NAA35: variants seen among roughly 807,000 people sequenced by gnomAD.
The protein encoded by NAA35 is MAK10 homolog, amino-acid N-acetyltransferase subunit.
In NAA35, 18 loss-of-function variants were observed where a neutral mutation model predicts 101.7. That is an observed-to-expected ratio of 0.18 (90% CI 0.12 to 0.26). The LOEUF is 0.26. Among genes scored for constraint, NAA35 ranks in the 10% least tolerant of loss-of-function variants. The pLI, the probability that NAA35 is intolerant of heterozygous loss-of-function variation, is 1.00. For synonymous variants in NAA35, 267 were observed against 273.1 expected (o/e 0.98, Z 0.22); for missense variants, 601 against 886.8 (o/e 0.68, Z 4.09).
intron 2 of NAA35, among the ~76,000 whole-genome samples, chr9:85,954,183 C>T (rs1190888947): frequency 2.0e-5 from 3 of 151,940 alleles, no homozygotes; most frequent in African/African-American, 7.3e-5. Flanking sequence ...AGGGTTCAAG[C>T]AATCCTCCCA....
intron 11 of NAA35, among the ~76,000 whole-genome samples, chr9:85,990,822 G>A (rs563906273): frequency 6.6e-6 from 1 of 152,338 alleles, no homozygotes; most frequent in East Asian, 1.9e-4. Context: ...ATGTGGGTAG[G>A]TGGAGTGTAC....
rs146102178 is a variant in NAA35 at position 85,962,057 on chromosome 9, G to C, written c.393G>C (p.Thr131=). The change falls in exon 6 of 23, where the codon ACG becomes ACC. Residue 131 remains threonine, a synonymous_variant. Transcript: ENST00000361671. ...ATTCACTGGCACAGACAGTATTTACGTGCCTTTACATTCATAATCCAGACT... is the reference window on the plus strand; with the variant it reads ...ATTCACTGGCACAGACAGTATTTACCTGCCTTTACATTCATAATCCAGACT... ...EGHSLAQTVF[T]CLYIHNPDFI... The C allele has an allele frequency of 3.0e-5, 49 of 1,613,666 alleles. No individual in the cohort carries two copies. The highest frequency in any genetic ancestry group is 3.8e-5 in the Non-Finnish European group (45 of 1,179,846).
At chr9:85,989,163 C>T (rs181875862) in intron 11 of NAA35, among the ~76,000 whole-genome samples, 4 of 152,250 alleles carry the variant, frequency 2.6e-5, no homozygotes, top group Middle Eastern at 3.4e-3. Context: ...ACAATATCTT[C>T]AAAGTCCTCA....
At position 85,976,681 on chromosome 9, in the gene NAA35, T is replaced by A. The variant is rs757827813; in HGVS notation, c.628-4T>A. The A allele has an allele frequency of 6.3e-7, 1 of 1,579,752 alleles. No homozygotes were observed. Among genetic ancestry groups the A allele is most frequent in the Non-Finnish European group, 8.6e-7 (1 of 1,166,836 alleles). ...TGTTTAATTCACCTTTTTTAAAATTTTAGAGTACTCGAAGTCGACAAGGAG... is the reference window on the plus strand; with the variant it reads ...TGTTTAATTCACCTTTTTTAAAATTATAGAGTACTCGAAGTCGACAAGGAG... On this transcript the variant is annotated splice_region_variant and splice_polypyrimidine_tract_variant and intron_variant, in intron 8 of 22. Transcript: ENST00000361671.
chr9:86,006,985 A>C (rs1831672414), intron 13 of NAA35, among the ~76,000 whole-genome samples: 1 of 152,200 alleles, frequency 6.6e-6, no homozygotes. Flanking sequence ...TATGTTACAA[A>C]ACATTCATTA....
intron 8 of NAA35, 22 bp from the exon 9 acceptor site, chr9:85,976,663 T>C (rs374432178): frequency 6.2e-5 from 97 of 1,557,330 alleles, no homozygotes; most frequent in Middle Eastern, 5.1e-4. Flanking sequence ...TTGTGTTTAA[T>C]TCACCTTTTT....
At chr9:86,019,058 A>G (rs1832388296) in intron 21 of NAA35, among the ~76,000 whole-genome samples, 1 of 152,242 alleles carries the variant, frequency 6.6e-6, no homozygotes, top group Non-Finnish European at 1.5e-5. Flanking sequence ...GTCAATGCAA[A>G]GACAAATTAC....
intron 12 of NAA35, among the ~76,000 whole-genome samples, chr9:85,998,542 AACT>A (rs1311748888): frequency 1.3e-5 from 2 of 152,226 alleles, no homozygotes; most frequent in Non-Finnish European, 2.9e-5. Flanking sequence ...GTACACTTTT[AACT>A]ATCATATTTT....
At chr9:86,019,047 A>T (rs1269593225) in intron 21 of NAA35, among the ~76,000 whole-genome samples, 1 of 152,228 alleles carries the variant, frequency 6.6e-6, no homozygotes, top group African/African-American at 2.4e-5. Context: ...TAAATTTAGA[A>T]GTCAATGCAA....
chr9:85,981,012 T>C (rs1196482562), intron 11 of NAA35, among the ~76,000 whole-genome samples: 1 of 152,172 alleles, frequency 6.6e-6, no homozygotes, highest in Non-Finnish European at 1.5e-5. Context: ...CCCCTTCCCA[T>C]ATATTTTTCT....
At chr9:86,000,107 G>T (rs147037739) in intron 12 of NAA35, among the ~76,000 whole-genome samples, 2 of 152,158 alleles carry the variant, frequency 1.3e-5, no homozygotes, top group African/African-American at 2.4e-5. Context: ...TAACATGAAG[G>T]GATGTTAAAT....
intron 17 of NAA35, 110 bp from the exon 18 acceptor site, chr9:86,016,429 T>A: frequency 1.2e-6 from 1 of 853,406 alleles, no homozygotes; most frequent in Non-Finnish European, 1.8e-6. Flanking sequence ...ATGAATGATC[T>A]GTTTTTAAAG....
rs370126583 is a variant in NAA35, at chr9:86,018,352, A to G, written c.1871A>G (p.Asn624Ser). ...VRYEHRFAPF[N>S]SVMTPPPVHY... ...TATGAACACAGGTTTGCTCCATTCA[A>G]CAGTGTGATGACCCCGCCGCCAGTG... The change falls in exon 20 of 23, where the codon AAC (asparagine) becomes AGC (serine). Residue 624 changes from asparagine (N) to serine (S), a missense_variant. Asn to Ser is a conservative substitution (Grantham distance 46). Transcript: ENST00000361671. The G allele has an allele frequency of 1.1e-5, 18 of 1,613,854 alleles. No homozygotes were observed. Among genetic ancestry groups the G allele is most frequent in the South Asian group, 5.5e-5 (5 of 91,074 alleles).
chr9:85,991,678 C>T (rs1012009845), intron 11 of NAA35, among the ~76,000 whole-genome samples: 2 of 151,922 alleles, frequency 1.3e-5, no homozygotes, highest in Non-Finnish European at 2.9e-5. Flanking sequence ...GTTATGGTGG[C>T]CTAACATGTC....
intron 11 of NAA35, among the ~76,000 whole-genome samples, chr9:85,992,024 A>G (rs1019042305): frequency 1.3e-5 from 2 of 152,048 alleles, no homozygotes; most frequent in Non-Finnish European, 2.9e-5. Context: ...ACTACAAAAA[A>G]ACAGCCGGGT....
chr9:85,950,795 T>C lies in NAA35; in HGVS notation c.125-5565T>C, dbSNP rs372251043. Reference sequence around the variant, plus strand: ...TCTATGTATGTATTACATATATATATGTGTTTATTATAATTTAAAACTGAG... The same window carrying C: ...TCTATGTATGTATTACATATATATACGTGTTTATTATAATTTAAAACTGAG... On this transcript the variant is annotated intron_variant, in intron 2 of 22. Coordinates refer to ENST00000361671, the MANE Select transcript of NAA35 (RefSeq NM_024635.4). Among the ~76,000 whole-genome samples the C allele has an allele frequency of 2.9e-3, 439 of 152,312 alleles. 5 individuals carry two copies. In the South Asian group the frequency reaches 0.034, roughly 12 times the overall value.
chr9:85,951,111 C>G (rs528534074), intron 2 of NAA35, among the ~76,000 whole-genome samples: 3 of 147,944 alleles, frequency 2.0e-5, no homozygotes, highest in Non-Finnish European at 4.4e-5. Context: ...GCACTCCAGC[C>G]GGGGCGACAG....
chr9:85,956,271 C>T, intron 2 of NAA35, 89 bp from the exon 3 acceptor site: 1 of 738,194 alleles, frequency 1.4e-6, no homozygotes, highest in Non-Finnish European at 2.1e-6. Flanking sequence ...AATACAAGCA[C>T]ATCTTTTCAG....
At chr9:85,966,744 G>T in intron 6 of NAA35, 1 of 641,210 alleles carries the variant, frequency 1.6e-6, no homozygotes, top group Non-Finnish European at 2.4e-6. Context: ...TTAATAATGT[G>T]TATATCAAGA....
Sources: gnomAD v4.1 joint callset for allele counts (sites outside exome capture counted in the v4.1 genomes callset) on GRCh38, gnomAD v4.1.1 for gene constraint, MANE v1.5 for transcripts, NCBI Gene and HGNC (gene_info 2026-07-23, HGNC 2026-07-21) for gene names.